Variants in TRPC5OS observed in about 807,000 individuals in gnomAD.
TRPC5OS encodes putative uncharacterized protein TRPC5OS.
For synonymous variants in TRPC5OS, 30 were observed against 29.3 expected (o/e 1.02, Z -0.08); for missense variants, 64 against 79.3 (o/e 0.81, Z 0.73).
At chrX:111,898,170 T>G (rs1214424792) in intron 3 of TRPC5OS, among the ~76,000 whole-genome samples, 1 of 107,304 alleles carries the variant, frequency 9.3e-6, no homozygotes, top group African/African-American at 3.4e-5. Flanking sequence ...TATTAGCTCT[T>G]CATTTGAATT....
chrX:111,880,288 A>G (rs1486203112), intron 1 of TRPC5OS, among the ~76,000 whole-genome samples: 2 of 112,204 alleles, frequency 1.8e-5, no homozygotes, highest in African/African-American at 3.2e-5. Context: ...TGTGCTTGCC[A>G]TCATATTCCC....
intron 3 of TRPC5OS, 112 bp from the exon 4 acceptor site, chrX:111,901,428 A>G (rs1473554159): frequency 8.8e-6 from 1 of 113,385 alleles, no homozygotes; most frequent in Non-Finnish European, 1.8e-5. Flanking sequence ...AGTTAGACAT[A>G]TCGTTTCAAC....
In TRPC5OS at chrX:111,884,239, C is replaced by A. The variant is rs1603074971; in HGVS notation, c.-546+7966C>A. Among the ~76,000 whole-genome samples the A allele has an allele frequency of 2.7e-5, 3 of 112,573 alleles. 1 individual carries two copies. The Admixed American group carries it at 2.8e-4, about 11-fold the overall frequency. On this transcript the variant is annotated intron_variant, in intron 1 of 3. Transcript: ENST00000635763. ...GGTATTATCAGAGTATTTTTAAGGA[C>A]TATTCATGTCCTAAGCCTAGTTTAT...
At chrX:111,899,961 C>T (rs1358554963) in intron 3 of TRPC5OS, among the ~76,000 whole-genome samples, 2 of 110,568 alleles carry the variant, frequency 1.8e-5, no homozygotes, top group East Asian at 5.7e-4. Context: ...CGTTGTGACC[C>T]TTATCATCAG....
chrX:111,899,533 A>C (rs990625455), intron 3 of TRPC5OS, among the ~76,000 whole-genome samples: 3 of 111,440 alleles, frequency 2.7e-5, no homozygotes, highest in Non-Finnish European at 5.7e-5. Flanking sequence ...AAGAGGAGGA[A>C]TAAAAGAGTC....
At chrX:111,888,562 C>T (rs1161818354) in intron 1 of TRPC5OS, among the ~76,000 whole-genome samples, 4 of 104,002 alleles carry the variant, frequency 3.8e-5, no homozygotes, top group African/African-American at 1.4e-4. Flanking sequence ...GGCATGGTGG[C>T]AGGTGCCTGT....
chrX:111,900,819 T>G (rs1053375274), intron 3 of TRPC5OS, among the ~76,000 whole-genome samples: 5 of 111,962 alleles, frequency 4.5e-5, no homozygotes, highest in Admixed American at 9.5e-5. Flanking sequence ...CTCAGCAGAT[T>G]CATTTTAAGT....
intron 1 of TRPC5OS, among the ~76,000 whole-genome samples, chrX:111,885,834 A>G (rs1418423796): frequency 8.9e-6 from 1 of 111,798 alleles, no homozygotes; most frequent in Non-Finnish European, 1.9e-5. Flanking sequence ...AACATTGTCT[A>G]CATCACAAAA....
intron 3 of TRPC5OS, among the ~76,000 whole-genome samples, chrX:111,898,501 T>G (rs987851320): frequency 9.1e-6 from 1 of 109,477 alleles, no homozygotes; most frequent in Non-Finnish European, 1.9e-5. Context: ...ACTGAATGAA[T>G]GAGCTGAAAG....
At chrX:111,878,029 T>G (rs760348146) in intron 1 of TRPC5OS, among the ~76,000 whole-genome samples, 3 of 110,902 alleles carry the variant, frequency 2.7e-5, no homozygotes, top group South Asian at 7.7e-4. Flanking sequence ...GAGTGGGAAG[T>G]AAAGAAGTAT....
At chrX:111,895,491 T>C (rs6567990) in intron 1 of TRPC5OS, among the ~76,000 whole-genome samples, 29,848 of 111,143 alleles carry the variant, frequency 0.27, 7,519 homozygotes, top group African/African-American at 0.81. Flanking sequence ...GTTGGCTTTT[T>C]ATCCTCTTAA....
Position 111,901,605 on chromosome X carries a change from C to A in TRPC5OS, c.-245C>A. On this transcript the variant is annotated 5_prime_UTR_variant, in exon 4 of 4. Coordinates refer to ENST00000635763, the MANE Select transcript of TRPC5OS (RefSeq NM_001195578.2). ...GATGGTCATTATAACAGCAGTTCAC[C>A]ATTAGTACAAACAAGAGTACCATAC... The A allele has an allele frequency of 3.8e-6, 1 of 261,083 alleles. No individual in the cohort carries two copies. Among genetic ancestry groups the A allele is most frequent in the Non-Finnish European group, 6.7e-6 (1 of 148,153 alleles). The allele number at this position is 261,083 out of a possible 1,213,427, so 21.5% of individuals were successfully genotyped here.
At chrX:111,895,417 A>G (rs979572266) in intron 1 of TRPC5OS, among the ~76,000 whole-genome samples, 14 of 112,174 alleles carry the variant, frequency 1.2e-4, no homozygotes, top group African/African-American at 4.5e-4. Flanking sequence ...TAAAAAATGT[A>G]TGAATGTAGT....
chrX:111,880,471 G>A (rs1163549091), intron 1 of TRPC5OS, among the ~76,000 whole-genome samples: 1 of 112,410 alleles, frequency 8.9e-6, no homozygotes, highest in East Asian at 2.8e-4. Context: ...CCCTGTCTGG[G>A]CACTGTCCTG....
At chrX:111,889,980 A>G (rs1160025615) in intron 1 of TRPC5OS, among the ~76,000 whole-genome samples, 3 of 111,515 alleles carry the variant, frequency 2.7e-5, no homozygotes, top group African/African-American at 9.8e-5. Flanking sequence ...GGTTGTCCTC[A>G]AGGGGACTTT....
rs192218642 is a variant in TRPC5OS, at chrX:111,902,947, C to A, written c.*762C>A. ...AGAGAGAAGTAATAGAAGGGCTAAG[C>A]AAAGCCCTACAAGGACTATTCACCA... On this transcript the variant is annotated 3_prime_UTR_variant, in exon 4 of 4. Transcript: ENST00000635763. 1.2e-3 allele frequency: 139 copies of A among 111,894 alleles called. No individual in the cohort carries two copies. The highest frequency in any genetic ancestry group is 4.3e-3 in the African/African-American group (134 of 30,871). The allele number at this position is 111,894 out of a possible 1,213,427, so 9.2% of individuals were successfully genotyped here. A position where few individuals can be genotyped will look rare whatever the true frequency, so the allele number is the denominator to read the frequency against.
intron 1 of TRPC5OS, among the ~76,000 whole-genome samples, chrX:111,882,854 G>C (rs551577057): frequency 1.8e-5 from 2 of 112,126 alleles, no homozygotes; most frequent in Non-Finnish European, 3.8e-5. Context: ...GGGAGGCCAA[G>C]GCAGGAGAGT....
intron 2 of TRPC5OS, 88 bp from the exon 3 acceptor site, chrX:111,896,319 G>A (rs1027476838): frequency 2.3e-5 from 2 of 87,062 alleles, no homozygotes; most frequent in Admixed American, 2.2e-4. Flanking sequence ...CTTTAATCTC[G>A]TCCTTGCTTA....
intron 1 of TRPC5OS, among the ~76,000 whole-genome samples, chrX:111,889,201 T>C (rs1452826600): frequency 1.3e-4 from 15 of 111,510 alleles, no homozygotes; most frequent in Admixed American, 8.5e-4. Context: ...TGATTGGCCA[T>C]GTTAAAGGCT....
Sources: allele counts gnomAD v4.1 joint callset (sites outside exome capture counted in the v4.1 genomes callset), GRCh38; gene constraint gnomAD v4.1.1; transcripts MANE v1.5; gene names NCBI Gene and HGNC (gene_info 2026-07-23, HGNC 2026-07-21).